Variants in SH3D19 observed in about 807,000 individuals in gnomAD.
SH3D19 encodes SH3 domain containing 19.
Under a neutral mutation model 112.1 loss-of-function variants are expected in SH3D19, and 58 were observed. That is an observed-to-expected ratio of 0.52 (90% confidence interval 0.42 to 0.64). SH3D19 has a LOEUF of 0.64. Ranked by LOEUF, SH3D19 falls within the 30% of genes least tolerant of loss-of-function variation. The pLI, the probability that SH3D19 is intolerant of heterozygous loss-of-function variation, is 0.00. For synonymous variants in SH3D19, 391 were observed against 448.5 expected, an observed-to-expected ratio of 0.87 and a Z score of 1.62; for missense variants, 1,090 against 1,263.4, an observed-to-expected ratio of 0.86 and a Z score of 2.08.
At chr4:151,143,595 C>A (rs1038063260) in intron 12 of SH3D19, among the ~76,000 whole-genome samples, 3 of 151,688 alleles carry the variant, frequency 2.0e-5, no homozygotes, top group Admixed American at 1.3e-4. Context: ...TACTTGATCA[C>A]TATTATTTTT....
Position 151,175,062 on chromosome 4 carries a change from G to A in SH3D19, c.1142C>T (p.Pro381Leu). 1 of 1,614,194 alleles carries A rather than the reference G, an allele frequency of 6.2e-7. No homozygotes were observed. Among genetic ancestry groups the A allele is most frequent in the Non-Finnish European group, 8.5e-7 (1 of 1,180,032 alleles). Residue 381 changes from proline to leucine, a missense_variant, in exon 7 of 20, where the codon CCT becomes CTT. Coordinates refer to ENST00000604030, the MANE Select transcript of SH3D19 (RefSeq NM_001378122.1). ...QEAGSIPVTK[P>L]ELPKKPNPGL... ...AGGGTTTGGTTTCTTTGGCAATTCA[G>A]GTTTGGTTACTGGGATGCTTCCCGC... is the stretch of plus-strand genomic sequence containing the variant.
intron 2 of SH3D19, among the ~76,000 whole-genome samples, chr4:151,213,463 G>A (rs981383805): frequency 1.3e-5 from 2 of 151,956 alleles, no homozygotes; most frequent in African/African-American, 4.8e-5. Context: ...TGGGCAACAT[G>A]GTACAATCTG....
At chr4:151,140,636 A>T (rs1352598130) in intron 12 of SH3D19, 1 of 152,180 alleles carries the variant, frequency 6.6e-6, no homozygotes, top group East Asian at 1.9e-4. Flanking sequence ...ATCATCATCA[A>T]ATCCCACTGA....
chr4:151,296,274 G>A (rs190517576), intron 1 of SH3D19, among the ~76,000 whole-genome samples: 5 of 152,144 alleles, frequency 3.3e-5, no homozygotes, highest in Non-Finnish European at 5.9e-5. Flanking sequence ...CGATTTCTGT[G>A]ATTCTATTTC....
intron 14 of SH3D19, among the ~76,000 whole-genome samples, chr4:151,137,179 T>A (rs1190723270): frequency 6.6e-6 from 1 of 152,252 alleles, no homozygotes; most frequent in East Asian, 1.9e-4. Flanking sequence ...GGTGCTTTAA[T>A]ATAATTTTCC....
chr4:151,162,811 G>A (rs1219009547), intron 8 of SH3D19, among the ~76,000 whole-genome samples: 1 of 152,118 alleles, frequency 6.6e-6, no homozygotes, highest in Non-Finnish European at 1.5e-5. Context: ...CTGACCTCAC[G>A]TGATCCACTT....
At chr4:151,159,864 A>G (rs897033317) in intron 8 of SH3D19, among the ~76,000 whole-genome samples, 2 of 152,318 alleles carry the variant, frequency 1.3e-5, no homozygotes, top group African/African-American at 4.8e-5. Context: ...AGAAAGTTCT[A>G]TCGCACAGTG....
intron 2 of SH3D19, among the ~76,000 whole-genome samples, chr4:151,197,547 A>C (rs1763659997): frequency 6.6e-6 from 1 of 152,248 alleles, no homozygotes; most frequent in Non-Finnish European, 1.5e-5. Context: ...CTATTTGGGA[A>C]GAGCCTTAAC....
intron 2 of SH3D19, among the ~76,000 whole-genome samples, chr4:151,191,232 A>T (rs1217331173): frequency 6.6e-6 from 1 of 152,208 alleles, no homozygotes; most frequent in Non-Finnish European, 1.5e-5. Flanking sequence ...TTACTGGTTC[A>T]TAGGCGGAAG....
chr4:151,316,747 A>G (rs1730026262), intron 1 of SH3D19, among the ~76,000 whole-genome samples: 1 of 152,068 alleles, frequency 6.6e-6, no homozygotes, highest in South Asian at 2.1e-4. Flanking sequence ...CCACAAGGAC[A>G]AGCTTACAGT....
chr4:151,314,917 A>C (rs952075026), intron 1 of SH3D19, among the ~76,000 whole-genome samples: 5 of 152,186 alleles, frequency 3.3e-5, no homozygotes, highest in Admixed American at 2.0e-4. Flanking sequence ...TAAGGGGAAA[A>C]GGGTATTCTG....
rs1357571865 is a variant in SH3D19 at position 151,121,580 on chromosome 4, C to A, written c.*511G>T. ...CCAACTAGTCAGTAAACTATCCCAT[C>A]TGAAGGAAGGATTTGCTCTGGTAAT... On this transcript the variant is annotated 3_prime_UTR_variant, in exon 20 of 20. Transcript: ENST00000604030. 6.6e-6 allele frequency: 1 copy of A among 152,238 alleles called. No individual in the cohort carries two copies. The highest frequency in any genetic ancestry group is 2.4e-5 in the African/African-American group (1 of 41,440). 9.4% of individuals were successfully genotyped at this position (152,238 alleles called of 1,614,324 possible). A position where few individuals can be genotyped will look rare whatever the true frequency, so the allele number is the denominator to read the frequency against.
chr4:151,141,997 G>A (rs1410725110), intron 12 of SH3D19, among the ~76,000 whole-genome samples: 1 of 152,200 alleles, frequency 6.6e-6, no homozygotes, highest in Non-Finnish European at 1.5e-5. Context: ...AAGAGGAACA[G>A]GCTAGACAGG....
intron 1 of SH3D19, among the ~76,000 whole-genome samples, chr4:151,266,500 A>G (rs1772803921): frequency 6.6e-6 from 1 of 152,222 alleles, no homozygotes; most frequent in African/African-American, 2.4e-5. Flanking sequence ...TGCTCGACTC[A>G]TATGAAGAAG....
intron 1 of SH3D19, 88 bp downstream of exon 1, chr4:151,325,153 A>C: frequency 1.5e-6 from 1 of 673,446 alleles, no homozygotes; most frequent in Non-Finnish European, 2.1e-6. Context: ...CGGCGCGTGA[A>C]GGAGCTGCCG....
chr4:151,178,580 A>T (rs1460690079), intron 4 of SH3D19, among the ~76,000 whole-genome samples: 1 of 152,200 alleles, frequency 6.6e-6, no homozygotes, highest in Non-Finnish European at 1.5e-5. Flanking sequence ...TGTAGGTATG[A>T]TTAGCACCAT....
At chr4:151,200,540 G>A (rs1437914134) in intron 2 of SH3D19, among the ~76,000 whole-genome samples, 2 of 152,118 alleles carry the variant, frequency 1.3e-5, no homozygotes, top group Non-Finnish European at 2.9e-5. Flanking sequence ...TCTATCACCA[G>A]TGGTATCATA....
At chr4:151,301,481 C>T (rs1728420075) in intron 1 of SH3D19, among the ~76,000 whole-genome samples, 1 of 152,224 alleles carries the variant, frequency 6.6e-6, no homozygotes, top group Admixed American at 6.5e-5. Flanking sequence ...CCCGCCTCAG[C>T]CTCCCAAAGT....
chr4:151,210,589 A>G (rs867969749), intron 2 of SH3D19, among the ~76,000 whole-genome samples: 14 of 152,046 alleles, frequency 9.2e-5, no homozygotes, highest in Middle Eastern at 3.4e-3. Flanking sequence ...TTTTTAGTAG[A>G]GATGGGGTTT....
Sources: gnomAD v4.1 joint callset for allele counts (sites outside exome capture counted in the v4.1 genomes callset) on GRCh38, gnomAD v4.1.1 for gene constraint, MANE v1.5 for transcripts, NCBI Gene and HGNC (gene_info 2026-07-23, HGNC 2026-07-21) for gene names.